The following DLGAP2 variants were observed in gnomAD, a reference collection of about 807,000 sequenced individuals.
DLGAP2 encodes disks large-associated protein 2.
A neutral mutation model predicts 100.3 loss-of-function variants in DLGAP2; 26 were observed. That is an observed-to-expected ratio of 0.26 (90% CI 0.19 to 0.36). The LOEUF (loss-of-function observed/expected upper bound fraction) is 0.36. Ranked by LOEUF, DLGAP2 falls within the 10% of genes least tolerant of loss-of-function variation. The pLI, the probability that DLGAP2 is intolerant of heterozygous loss-of-function variation, is 1.00. For synonymous variants in DLGAP2, 886 were observed against 630.1 expected (o/e 1.41, Z -6.08); for missense variants, 1,858 against 1,453.2 (o/e 1.28, Z -4.53).
intron 4 of DLGAP2, among the ~76,000 whole-genome samples, chr8:1,508,055 C>T (rs1799995610): frequency 6.6e-6 from 1 of 151,878 alleles, no homozygotes; most frequent in Non-Finnish European, 1.5e-5. Context: ...TGAAAGCTCA[C>T]CAGGGCACAC....
chr8:1,051,648 G>C lies in DLGAP2; in HGVS notation c.73+143682G>C, dbSNP rs75861866. On this transcript the variant is annotated intron_variant, in intron 2 of 14. Transcript: ENST00000637795. ...GGGGTCTTAAATGGACTGATTTTGG[G>C]ATCCAGAGTAAAGTCACGTCTGGTC... Among the ~76,000 whole-genome samples the C allele has an allele frequency of 8.8e-4, 134 of 152,240 alleles. 1 individual carries two copies. Among genetic ancestry groups the C allele is most frequent in the African/African-American group, 3.1e-3 (129 of 41,546 alleles).
At chr8:1,488,229 C>A (rs1261174434) in intron 3 of DLGAP2, among the ~76,000 whole-genome samples, 1 of 152,168 alleles carries the variant, frequency 6.6e-6, no homozygotes, top group Non-Finnish European at 1.5e-5. Context: ...CAAACTCCCA[C>A]CCGGCAGTTC....
intron 2 of DLGAP2, among the ~76,000 whole-genome samples, chr8:1,176,342 T>A (rs1401331767): frequency 6.6e-6 from 1 of 152,110 alleles, no homozygotes; most frequent in Non-Finnish European, 1.5e-5. Flanking sequence ...CACATGGGGA[T>A]TACAGTTCGA....
At chr8:1,089,775 C>G (rs1314970141) in intron 2 of DLGAP2, among the ~76,000 whole-genome samples, 1 of 152,226 alleles carries the variant, frequency 6.6e-6, no homozygotes, top group Non-Finnish European at 1.5e-5. Flanking sequence ...AAAGGACATT[C>G]CTACAACATA....
intron 2 of DLGAP2, among the ~76,000 whole-genome samples, chr8:1,227,758 G>T (rs1015551793): frequency 6.6e-6 from 1 of 152,144 alleles, no homozygotes; most frequent in Non-Finnish European, 1.5e-5. Context: ...GTAGAGAGAG[G>T]AAAAGGAGAA....
chr8:1,358,354 G>C (rs1010708299), intron 3 of DLGAP2, among the ~76,000 whole-genome samples: 1 of 152,112 alleles, frequency 6.6e-6, no homozygotes, highest in African/African-American at 2.4e-5. Flanking sequence ...CGGGAAAAAG[G>C]CAGGATGGAC....
intron 6 of DLGAP2, among the ~76,000 whole-genome samples, chr8:1,571,048 G>A (rs1802645885): frequency 6.9e-6 from 1 of 144,296 alleles, no homozygotes; most frequent in Non-Finnish European, 1.5e-5. Context: ...AGAGGAGAGA[G>A]GTGAACTGTG....
chr8:1,502,614 G>T (rs1799762410), intron 4 of DLGAP2, among the ~76,000 whole-genome samples: 2 of 152,190 alleles, frequency 1.3e-5, no homozygotes, highest in African/African-American at 4.8e-5. Flanking sequence ...AGGAACAGTG[G>T]CTATCATGTT....
At chr8:1,481,957 G>C (rs756810597) in intron 3 of DLGAP2, among the ~76,000 whole-genome samples, 2 of 152,208 alleles carry the variant, frequency 1.3e-5, no homozygotes, top group Non-Finnish European at 2.9e-5. Context: ...CCGTGGAGAA[G>C]GGCCAGGTAG....
chr8:979,367 A>G (rs572955562), intron 2 of DLGAP2, among the ~76,000 whole-genome samples: 75 of 152,348 alleles, frequency 4.9e-4, no homozygotes, highest in South Asian at 1.4e-3. Context: ...GAAATTGAGT[A>G]GTTGAACCTA....
intron 6 of DLGAP2, among the ~76,000 whole-genome samples, chr8:1,573,835 AC>A (rs1369712881): frequency 6.6e-6 from 1 of 152,166 alleles, no homozygotes; most frequent in African/African-American, 2.4e-5. Flanking sequence ...CAGCCGGCAG[AC>A]CCTAGAATAC....
chr8:1,351,055 G>A lies in DLGAP2; in HGVS notation c.106+92172G>A, dbSNP rs867914145. On this transcript the variant is annotated intron_variant, in intron 3 of 14. Coordinates refer to ENST00000637795, the MANE Select transcript of DLGAP2 (RefSeq NM_001346810.2). ...GGTCCTGACTGTGTGTGGAAAGGCC[G>A]TGCAGATCCTGAGTGTGTGTGGAAA... 4.5e-3 allele frequency among the ~76,000 whole-genome samples: 153 copies of A among 34,068 alleles called. 2 individuals carry two copies. The highest frequency in any genetic ancestry group is 6.9e-3 in the African/African-American group (40 of 5,756). 22.3% of individuals were successfully genotyped at this position (34,068 alleles called of 152,430 possible). A position where few individuals can be genotyped will look rare whatever the true frequency, so the allele number is the denominator to read the frequency against.
At chr8:785,559 C>T (rs1318178099) in intron 1 of DLGAP2, among the ~76,000 whole-genome samples, 1 of 142,398 alleles carries the variant, frequency 7.0e-6, no homozygotes, top group Non-Finnish European at 1.5e-5. Context: ...CTCTCTGAGA[C>T]CGGCCTCCCT....
chr8:964,191 CCTAT>C (rs1450891054), intron 2 of DLGAP2, among the ~76,000 whole-genome samples: 2 of 152,132 alleles, frequency 1.3e-5, no homozygotes, highest in African/African-American at 4.8e-5. Context: ...AATTTTTGAA[CCTAT>C]CTGACGTCTT....
chr8:1,243,617 C>G (rs962561008), intron 2 of DLGAP2, among the ~76,000 whole-genome samples: 1 of 152,106 alleles, frequency 6.6e-6, no homozygotes, highest in African/African-American at 2.4e-5. Context: ...GTTTGGACCC[C>G]TCTTCTTCCC....
In DLGAP2 at chr8:1,626,917, G is replaced by A. The variant is rs770088461; in HGVS notation, c.1590+30G>A. On this transcript the variant is annotated intron_variant, in intron 7 of 14. Transcript: ENST00000637795. ...GGGTCCCTTCGCCCTTTCTCCCTGG[G>A]GTCCAGTCTCCCCAGCCAGGCTGGC... The A allele has an allele frequency of 1.3e-4, 199 of 1,564,046 alleles. 1 individual carries two copies. The highest frequency in any genetic ancestry group is 1.6e-4 in the Non-Finnish European group (188 of 1,154,964).
At chr8:1,262,347 A>G (rs2116912537) in intron 3 of DLGAP2, 1 of 152,350 alleles carries the variant, frequency 6.6e-6, no homozygotes, top group Middle Eastern at 3.4e-3. Flanking sequence ...TTGTGAGACT[A>G]TGTTTTCATG....
chr8:1,068,011 A>G (rs4735979), intron 2 of DLGAP2, among the ~76,000 whole-genome samples: 4 of 152,162 alleles, frequency 2.6e-5, no homozygotes, highest in Admixed American at 6.5e-5. Context: ...GACTATCTCT[A>G]TAGTTTTGCC....
At chr8:1,443,761 G>A (rs796217361) in intron 3 of DLGAP2, among the ~76,000 whole-genome samples, 2 of 152,080 alleles carry the variant, frequency 1.3e-5, no homozygotes, top group African/African-American at 4.8e-5. Context: ...AACTGCCCTC[G>A]TGATTCAATT....
Sources: allele counts gnomAD v4.1 joint callset (sites outside exome capture counted in the v4.1 genomes callset), GRCh38; gene constraint gnomAD v4.1.1; transcripts MANE v1.5; gene names NCBI Gene and HGNC (gene_info 2026-07-23, HGNC 2026-07-21).